Variants in CHM observed in about 807,000 individuals in gnomAD.
The protein encoded by CHM is CHM Rab escort protein.
In CHM, 10 loss-of-function variants were observed where a neutral mutation model predicts 49.0. The ratio of observed to expected loss-of-function variants is 0.20; its 90% CI spans 0.13 to 0.35. The LOEUF (loss-of-function observed/expected upper bound fraction) is 0.35. CHM is among the 10% of genes least tolerant of loss of function. The pLI, the probability that CHM is intolerant of heterozygous loss-of-function variation, is 1.00. For synonymous variants in CHM, 184 were observed against 167.5 expected (o/e 1.10, Z -0.76); for missense variants, 455 against 478.4 (o/e 0.95, Z 0.46).
At chrX:85,921,648 A>G (rs1385606376) in intron 8 of CHM, among the ~76,000 whole-genome samples, 2 of 112,117 alleles carry the variant, frequency 1.8e-5, no homozygotes, top group African/African-American at 3.2e-5. Context: ...ACCCCAGCTA[A>G]AACCGTAAAC....
intron 8 of CHM, among the ~76,000 whole-genome samples, chrX:85,922,863 A>C (rs1250853176): frequency 8.9e-6 from 1 of 111,975 alleles, no homozygotes; most frequent in Non-Finnish European, 1.9e-5. Flanking sequence ...CAAGGCCATC[A>C]AAAAAGCCTT....
At chrX:85,967,944 C>T (rs779117278) in intron 4 of CHM, among the ~76,000 whole-genome samples, 1 of 111,156 alleles carries the variant, frequency 9.0e-6, no homozygotes, top group Admixed American at 9.6e-5. Context: ...TTAGAGGAAT[C>T]AAATGAAAAA....
chrX:85,950,009 A>ATATATATATATC (rs1569422903), intron 8 of CHM, among the ~76,000 whole-genome samples: 3 of 81,299 alleles, frequency 3.7e-5, no homozygotes, highest in African/African-American at 1.4e-4. Flanking sequence ...ATATATATAT[A>ATATATATATATC]TCTTGTAATG....
chrX:85,984,415 T>A (rs189810190), intron 2 of CHM, among the ~76,000 whole-genome samples: 3 of 110,745 alleles, frequency 2.7e-5, no homozygotes, highest in African/African-American at 9.8e-5. Context: ...AATGAGCATA[T>A]GAGATACCAG....
chrX:85,899,319 CAT>C (rs1175983419), intron 11 of CHM, among the ~76,000 whole-genome samples: 10 of 111,261 alleles, frequency 9.0e-5, no homozygotes, highest in African/African-American at 2.9e-4. Flanking sequence ...TAACCGGGGA[CAT>C]GTGTGGAAAT....
At chrX:86,027,144 G>A (rs1164576022) in intron 2 of CHM, 2 of 204,096 alleles carry the variant, frequency 9.8e-6, no homozygotes, top group African/African-American at 5.9e-5. Flanking sequence ...AGCATATATA[G>A]GTTGTATATA....
At chrX:85,928,423 G>A (rs945008605) in intron 8 of CHM, among the ~76,000 whole-genome samples, 1 of 110,155 alleles carries the variant, frequency 9.1e-6, no homozygotes, top group Non-Finnish European at 1.9e-5. Context: ...GGCGCCTGCA[G>A]TCCCAGCTAC....
intron 1 of CHM, among the ~76,000 whole-genome samples, chrX:86,036,060 T>G (rs1934231912): frequency 9.0e-6 from 1 of 110,832 alleles, no homozygotes; most frequent in South Asian, 3.8e-4. Context: ...CCCAAAGTGC[T>G]GAGATTACAG....
intron 8 of CHM, among the ~76,000 whole-genome samples, chrX:85,942,981 A>G (rs749869763): frequency 3.2e-5 from 3 of 94,317 alleles, no homozygotes; most frequent in Non-Finnish European, 6.1e-5. Flanking sequence ...TCATTGTTCA[A>G]TTCCCACCTA....
At chrX:85,900,012 C>T (rs2148152621) in intron 11 of CHM, among the ~76,000 whole-genome samples, 1 of 110,497 alleles carries the variant, frequency 9.1e-6, no homozygotes, top group African/African-American at 3.3e-5. Context: ...ATGGAGGTTC[C>T]ACAAAAAAAT....
intron 9 of CHM, among the ~76,000 whole-genome samples, chrX:85,906,695 G>A (rs1023924426): frequency 1.8e-5 from 2 of 111,966 alleles, no homozygotes; most frequent in South Asian, 7.5e-4. Context: ...GTTGGCAGAC[G>A]TTAAGTATCC....
At chrX:85,948,296 A>C (rs890470192) in intron 8 of CHM, among the ~76,000 whole-genome samples, 1 of 112,209 alleles carries the variant, frequency 8.9e-6, no homozygotes, top group African/African-American at 3.2e-5. Flanking sequence ...TAAACTGCAT[A>C]TATATCCTGT....
chrX:85,911,387 A>C, intron 8 of CHM, 49 bp from the exon 9 acceptor site: 1 of 634,878 alleles, frequency 1.6e-6, no homozygotes, highest in South Asian at 2.3e-5. Flanking sequence ...GGTTGAAAAT[A>C]AAGGTAAAAG....
At chrX:85,984,196 C>CT (rs1488270033) in intron 2 of CHM, among the ~76,000 whole-genome samples, 2 of 109,394 alleles carry the variant, frequency 1.8e-5, no homozygotes, top group African/African-American at 6.7e-5. Context: ...GAGCAAAACT[C>CT]TGTCTCAAAA....
At chrX:85,872,799 G>T (rs773871811) in intron 14 of CHM, among the ~76,000 whole-genome samples, 2 of 111,192 alleles carry the variant, frequency 1.8e-5, no homozygotes, top group African/African-American at 6.5e-5. Flanking sequence ...ATCTTCTATC[G>T]TCATTCCCAC....
chrX:85,895,138 T>G lies in CHM; in HGVS notation c.1414-854A>C, dbSNP rs745330282. On this transcript the variant is annotated intron_variant, in intron 11 of 14. Coordinates refer to ENST00000357749, the MANE Select transcript of CHM (RefSeq NM_000390.4). ...CCTTCAGGTCAATGTTTTTTTTTGT[T>G]TTTTTTTTTTTTTTTGAGATGGAGT... Among the ~76,000 whole-genome samples the G allele has an allele frequency of 7.6e-3, 740 of 96,779 alleles. 5 individuals carry two copies. Among genetic ancestry groups the G allele is most frequent in the African/African-American group, 0.027 (672 of 25,104 alleles). 84.0% of individuals were successfully genotyped at this position (96,779 alleles called of 115,157 possible).
At chrX:85,933,514 T>G (rs1373240327) in intron 8 of CHM, among the ~76,000 whole-genome samples, 1 of 112,285 alleles carries the variant, frequency 8.9e-6, no homozygotes, top group Non-Finnish European at 1.9e-5. Context: ...ACACTATGCC[T>G]ATATACACTT....
chrX:86,036,797 C>T (rs895879734), intron 1 of CHM, among the ~76,000 whole-genome samples: 1 of 111,503 alleles, frequency 9.0e-6, no homozygotes, highest in Non-Finnish European at 1.9e-5. Context: ...ACTCCCTAGA[C>T]CCCTTAGGTA....
At chrX:85,918,658 A>G (rs752678244) in intron 8 of CHM, among the ~76,000 whole-genome samples, 17 of 112,154 alleles carry the variant, frequency 1.5e-4, no homozygotes, top group Non-Finnish European at 2.8e-4. Context: ...CAAGAGGCTC[A>G]TCTAACATGC....
Sources: allele counts gnomAD v4.1 joint callset (sites outside exome capture counted in the v4.1 genomes callset), GRCh38; gene constraint gnomAD v4.1.1; transcripts MANE v1.5; gene names NCBI Gene and HGNC (gene_info 2026-07-23, HGNC 2026-07-21).